Variants in GLRA3 observed in about 807,000 individuals in gnomAD.
The protein encoded by GLRA3 is glycine receptor subunit alpha-3.
A neutral mutation model predicts 60.4 loss-of-function variants in GLRA3; 44 were observed. The ratio of observed to expected loss-of-function variants is 0.73; its 90% CI spans 0.57 to 0.94. The LOEUF (loss-of-function observed/expected upper bound fraction) is 0.94. Among genes scored for constraint, GLRA3 ranks in the 40% least tolerant of loss-of-function variants. The probability of loss-of-function intolerance (pLI) is 0.00; values close to 1 mark genes in which losing one functional copy is unlikely to be tolerated. For synonymous variants in GLRA3, 223 were observed against 192.9 expected, an observed-to-expected ratio of 1.16 and a Z score of -1.29; for missense variants, 508 against 564.6, an observed-to-expected ratio of 0.90 and a Z score of 1.02.
intron 9 of GLRA3, among the ~76,000 whole-genome samples, chr4:174,647,889 C>G (rs1732886334): frequency 6.6e-6 from 1 of 152,174 alleles, no homozygotes; most frequent in African/African-American, 2.4e-5. Flanking sequence ...TGCTCAATAA[C>G]CACATGAGGC....
At chr4:174,678,508 T>A (rs1734213238) in intron 6 of GLRA3, among the ~76,000 whole-genome samples, 1 of 152,204 alleles carries the variant, frequency 6.6e-6, no homozygotes, top group Non-Finnish European at 1.5e-5. Context: ...TATTGCTAGG[T>A]AGGGCTCAGT....
intron 5 of GLRA3, among the ~76,000 whole-genome samples, chr4:174,711,717 G>A (rs1735726198): frequency 6.6e-6 from 1 of 152,106 alleles, no homozygotes; most frequent in Non-Finnish European, 1.5e-5. Context: ...TGGGATTAAA[G>A]GCGTGAGCCA....
At chr4:174,688,317 TCATA>T (rs1390533554) in intron 5 of GLRA3, among the ~76,000 whole-genome samples, 1,328 of 71,256 alleles carry the variant, frequency 0.019, 187 homozygotes, top group Non-Finnish European at 0.023. Flanking sequence ...TTACCTGACA[TCATA>T]TATATATATA....
At chr4:174,744,398 A>G (rs1737150209) in intron 3 of GLRA3, among the ~76,000 whole-genome samples, 1 of 152,244 alleles carries the variant, frequency 6.6e-6, no homozygotes, top group African/African-American at 2.4e-5. Context: ...GGAGCCGAAG[A>G]ACAGGCACAT....
chr4:174,668,973 G>A (rs1733795731), intron 7 of GLRA3, among the ~76,000 whole-genome samples: 1 of 152,064 alleles, frequency 6.6e-6, no homozygotes, highest in South Asian at 2.1e-4. Flanking sequence ...AAACTGTGAT[G>A]AGTACTTTTG....
intron 3 of GLRA3, among the ~76,000 whole-genome samples, chr4:174,737,750 G>T (rs879793026): frequency 3.3e-5 from 5 of 152,180 alleles, no homozygotes; most frequent in Admixed American, 6.5e-5. Flanking sequence ...GACCTCATCA[G>T]ATCCGCACGC....
At position 174,767,009 on chromosome 4, in the gene GLRA3, C is replaced by A; in HGVS notation, c.221G>T (p.Cys74Phe). Residue 74 changes from cysteine (C) to phenylalanine (F), a missense_variant, in exon 3 of 10, where the codon TGC becomes TTC. By Grantham distance (205) the Cys-to-Phe change is radical (BLOSUM62 -2). Transcript: ENST00000274093. ...NFKGPPVNVT[C>F]NIFINSFGSI... ...GCCAAAGCTGTTGATGAATATGTTG[C>A]ATGTGACATTAACTGGAGGGCCTGA... 6.2e-7 allele frequency: 1 copy of A among 1,600,676 alleles called. No individual in the cohort carries two copies. The highest frequency in any genetic ancestry group is 8.6e-7 in the Non-Finnish European group (1 of 1,168,850).
chr4:174,754,813 T>G lies in GLRA3; in HGVS notation c.267+12150A>C, dbSNP rs962287482. Among the ~76,000 whole-genome samples the G allele has an allele frequency of 3.3e-5, 5 of 152,116 alleles. No individual in the cohort carries two copies. The East Asian group carries it at 5.8e-4, about 18-fold the overall frequency. On this transcript the variant is annotated intron_variant, in intron 3 of 9. Transcript: ENST00000274093. ...AATAGTTGCACCCTAATATTTTTGA[T>G]TTTTGAAAATTATTCTTGGATCACT...
chr4:174,736,304 A>T (rs933612330), intron 3 of GLRA3, among the ~76,000 whole-genome samples: 4 of 152,178 alleles, frequency 2.6e-5, no homozygotes, highest in African/African-American at 9.7e-5. Context: ...AAAAATTTAA[A>T]AATTTAAAAA....
chr4:174,781,834 AC>A (rs1375763007), intron 2 of GLRA3, among the ~76,000 whole-genome samples: 1 of 152,226 alleles, frequency 6.6e-6, no homozygotes, highest in African/African-American at 2.4e-5. Flanking sequence ...TAGCTTACCA[AC>A]CAAAAAGAGT....
chr4:174,810,705 G>T (rs2111368164), intron 1 of GLRA3, among the ~76,000 whole-genome samples: 1 of 151,976 alleles, frequency 6.6e-6, no homozygotes, highest in South Asian at 2.1e-4. Context: ...TAATTAAATG[G>T]CTATAATGAT....
chr4:174,639,561 T>C lies in GLRA3; in HGVS notation c.*4225A>G, dbSNP rs1732579489. The stretch of plus-strand genomic sequence containing the variant: ...TGGAAGAAGCTTCCCCAGGATATTT[T>C]TCCCTGCCCTAGTTCCGTTTAAATT... On this transcript the variant is annotated 3_prime_UTR_variant, in exon 10 of 10. Coordinates refer to ENST00000274093, the MANE Select transcript of GLRA3 (RefSeq NM_006529.4). 2 of 152,132 alleles carry C rather than the reference T, an allele frequency of 1.3e-5. No individual in the cohort carries two copies. Among genetic ancestry groups the C allele is most frequent in the South Asian group, 4.1e-4 (2 of 4,828 alleles). The allele number at this position is 152,132 out of a possible 1,614,324, so 9.4% of individuals were successfully genotyped here. A position where few individuals can be genotyped will look rare whatever the true frequency, so the allele number is the denominator to read the frequency against.
chr4:174,656,773 T>G lies in GLRA3; in HGVS notation c.1086A>C (p.Ala362=). The G allele has an allele frequency of 6.3e-7, 1 of 1,586,660 alleles. No homozygotes were observed. Among genetic ancestry groups the G allele is most frequent in the Non-Finnish European group, 8.7e-7 (1 of 1,155,434 alleles). ...RKRKNKTEAF[A]LEKFYRFSDM... ...CTGAGAAACGGTAAAACTTCTCCAG[T>G]GCAAAAGCTTCTGTCTGTGGGAAGG... Residue 362 remains alanine, a synonymous_variant, in exon 9 of 10, where the codon GCA becomes GCC. Transcript: ENST00000274093.
At chr4:174,770,764 C>T (rs560720944) in intron 2 of GLRA3, among the ~76,000 whole-genome samples, 15 of 152,086 alleles carry the variant, frequency 9.9e-5, no homozygotes, top group Admixed American at 2.6e-4. Context: ...TTGCTTATTT[C>T]TGAACATTTA....
intron 2 of GLRA3, among the ~76,000 whole-genome samples, chr4:174,782,529 T>C (rs1184414343): frequency 2.0e-5 from 3 of 151,420 alleles, no homozygotes; most frequent in African/African-American, 7.3e-5. Context: ...AGTCAAATTG[T>C]CCCTGTTTGC....
intron 1 of GLRA3, among the ~76,000 whole-genome samples, chr4:174,824,835 T>G (rs1212362305): frequency 6.6e-6 from 1 of 152,152 alleles, no homozygotes; most frequent in Admixed American, 6.6e-5. Flanking sequence ...TTCTAGACTC[T>G]AAGTTGCTAA....
intron 1 of GLRA3, among the ~76,000 whole-genome samples, chr4:174,822,108 T>A (rs1740764171): frequency 6.6e-6 from 1 of 152,118 alleles, no homozygotes; most frequent in Non-Finnish European, 1.5e-5. Context: ...AAACACAAAT[T>A]GGAAATGGAT....
intron 1 of GLRA3, among the ~76,000 whole-genome samples, chr4:174,795,676 T>C (rs1369581210): frequency 6.6e-6 from 1 of 152,216 alleles, no homozygotes; most frequent in African/African-American, 2.4e-5. Flanking sequence ...ATATGGTATA[T>C]ATTGCAAAAA....
rs116469462 is a variant in GLRA3 at position 174,753,277 on chromosome 4, G to A, written c.267+13686C>T. On this transcript the variant is annotated intron_variant, in intron 3 of 9. Coordinates refer to ENST00000274093, the MANE Select transcript of GLRA3 (RefSeq NM_006529.4). The stretch of plus-strand genomic sequence containing the variant: ...TTGTGGGTAACCTGGAAGTCTCATC[G>A]CAGCAACAGAAATATGCCGTTTGAA... Among the ~76,000 whole-genome samples the A allele has an allele frequency of 5.7e-3, 875 of 152,178 alleles. 14 individuals are homozygous for A. The highest frequency in any genetic ancestry group is 0.02 in the African/African-American group (823 of 41,544).
Sources: allele counts gnomAD v4.1 joint callset (sites outside exome capture counted in the v4.1 genomes callset), GRCh38; gene constraint gnomAD v4.1.1; transcripts MANE v1.5; gene names NCBI Gene and HGNC (gene_info 2026-07-23, HGNC 2026-07-21).